The following COMMD1 variants were observed in gnomAD, a reference collection of about 807,000 sequenced individuals.
The protein encoded by COMMD1 is COMM domain-containing protein 1.
Under a neutral mutation model 17.2 loss-of-function variants are expected in COMMD1, and 10 were observed. The ratio of observed to expected loss-of-function variants is 0.58; its 90% CI spans 0.36 to 0.99. The LOEUF (loss-of-function observed/expected upper bound fraction) is 0.99, where lower values mean the gene tolerates loss of function less well. COMMD1 is among the 50% of genes least tolerant of loss of function. The probability of loss-of-function intolerance (pLI) is 0.01; values close to 1 mark genes in which losing one functional copy is unlikely to be tolerated. For missense variants in COMMD1, 270 were observed against 231.8 expected (o/e 1.17, Z -1.07); for synonymous variants, 97 against 91.6 (o/e 1.06, Z -0.34).
chr2:61,972,540 C>T (rs1671678159), intron 1 of COMMD1, among the ~76,000 whole-genome samples: 1 of 152,152 alleles, frequency 6.6e-6, no homozygotes, highest in South Asian at 2.1e-4. Flanking sequence ...ACTACCTCAG[C>T]CAGGTGATCA....
chr2:61,967,517 C>T (rs1032864654), intron 1 of COMMD1, among the ~76,000 whole-genome samples: 4 of 152,080 alleles, frequency 2.6e-5, no homozygotes, highest in African/African-American at 9.7e-5. Flanking sequence ...TTTACATAAC[C>T]AGATTGAAAG....
At chr2:61,889,708 G>A (rs1236107229) in intron 1 of COMMD1, among the ~76,000 whole-genome samples, 2 of 152,152 alleles carry the variant, frequency 1.3e-5, no homozygotes, top group African/African-American at 4.8e-5. Context: ...CGTATTGGTT[G>A]ATACTGGGTG....
chr2:62,116,446 C>T (rs919283816), intron 2 of COMMD1, among the ~76,000 whole-genome samples: 2 of 151,956 alleles, frequency 1.3e-5, no homozygotes, highest in Non-Finnish European at 2.9e-5. Flanking sequence ...CCGAGGCAGG[C>T]GGATCACCTG....
In COMMD1 at chr2:62,049,291, G is replaced by A. The variant is rs543478046; in HGVS notation, c.462+48309G>A. Reference sequence around the variant, plus strand: ...TGTATAATTTTAAAAACTCAGCTATGCTCTTAGATGTCTCTTTTTGGGAAA... The same window carrying A: ...TGTATAATTTTAAAAACTCAGCTATACTCTTAGATGTCTCTTTTTGGGAAA... On this transcript the variant is annotated intron_variant, in intron 2 of 2. Coordinates refer to ENST00000311832, the MANE Select transcript of COMMD1 (RefSeq NM_152516.4). Among the ~76,000 whole-genome samples, 109 of 152,032 alleles carry A rather than the reference G, an allele frequency of 7.2e-4. 2 individuals are homozygous for A. The highest frequency in any genetic ancestry group is 2.6e-3 in the African/African-American group (108 of 41,446).
chr2:61,955,760 A>G (rs1437409220), intron 1 of COMMD1, among the ~76,000 whole-genome samples: 1 of 152,108 alleles, frequency 6.6e-6, no homozygotes, highest in Non-Finnish European at 1.5e-5. Context: ...ACCTCGGCTC[A>G]CTGCAACCTC....
In COMMD1 at chr2:62,021,368, C is replaced by CT. The variant is rs369325889; in HGVS notation, c.462+20387dup. On this transcript the variant is annotated intron_variant, in intron 2 of 2. Transcript: ENST00000311832. The stretch of plus-strand genomic sequence containing the variant: ...GTGTAGACTTGGCAAAATGAGAGGT[C>CT]TGGGAGTCTTCAGCATTTGTTCAGT... Among the ~76,000 whole-genome samples, 1,046 of 152,124 alleles carry CT rather than the reference C, an allele frequency of 6.9e-3. 11 individuals are homozygous for CT. The highest frequency in any genetic ancestry group is 0.024 in the African/African-American group (983 of 41,496).
chr2:62,023,683 C>G (rs1669675584), intron 2 of COMMD1, among the ~76,000 whole-genome samples: 1 of 152,150 alleles, frequency 6.6e-6, no homozygotes, highest in Admixed American at 6.6e-5. Flanking sequence ...CGGGGTTTCA[C>G]CATGTTGGCC....
chr2:62,104,599 A>G (rs1209219876), intron 2 of COMMD1, among the ~76,000 whole-genome samples: 2 of 141,294 alleles, frequency 1.4e-5, no homozygotes, highest in Non-Finnish European at 3.0e-5. Context: ...GCGCCACTGT[A>G]CTCCAGCCTG....
At chr2:62,077,528 C>A (rs1397187978) in intron 2 of COMMD1, among the ~76,000 whole-genome samples, 1 of 152,172 alleles carries the variant, frequency 6.6e-6, no homozygotes, top group Non-Finnish European at 1.5e-5. Context: ...TAGCCTCCCA[C>A]ACATCCCTAT....
intron 2 of COMMD1, among the ~76,000 whole-genome samples, chr2:62,049,823 A>G (rs1460476647): frequency 4.6e-5 from 7 of 152,174 alleles, no homozygotes; most frequent in Admixed American, 3.9e-4. Context: ...TGATTAATGT[A>G]GTAGGGGATA....
intron 2 of COMMD1, among the ~76,000 whole-genome samples, chr2:62,059,324 T>TA (rs202064244): frequency 0.082 from 12,341 of 151,232 alleles, 1,235 homozygotes; most frequent in African/African-American, 0.24. Context: ...CTGGCTAATT[T>TA]AAAAAAAAAT....
chr2:61,975,318 T>TA (rs1477997706), intron 1 of COMMD1, among the ~76,000 whole-genome samples: 5 of 152,164 alleles, frequency 3.3e-5, no homozygotes, highest in Non-Finnish European at 2.9e-5. Flanking sequence ...AAAACTGCTA[T>TA]AAAAAACCAC....
chr2:61,997,920 GA>G (rs1668810256), intron 1 of COMMD1, among the ~76,000 whole-genome samples: 2 of 152,202 alleles, frequency 1.3e-5, no homozygotes, highest in Non-Finnish European at 2.9e-5. Flanking sequence ...CATCTATATT[GA>G]AAACCTTTTG....
chr2:62,022,448 C>CTTT lies in COMMD1; in HGVS notation c.462+21486_462+21488dup, dbSNP rs747830662. Among the ~76,000 whole-genome samples the CTTT allele has an allele frequency of 4.9e-3, 415 of 84,148 alleles. 2 individuals carry two copies. The highest frequency in any genetic ancestry group is 7.9e-3 in the Middle Eastern group (1 of 126). The allele number at this position is 84,148 out of a possible 152,430, so 55.2% of individuals were successfully genotyped here. A position where few individuals can be genotyped will look rare whatever the true frequency, so the allele number is the denominator to read the frequency against. On this transcript the variant is annotated intron_variant, in intron 2 of 2. Coordinates refer to ENST00000311832, the MANE Select transcript of COMMD1 (RefSeq NM_152516.4). ...CTTCTAATATTATTTACCGGCGCTT[C>CTTT]TTTTTTTTTTTTTTTTTTTTTTACA...
At chr2:62,109,917 A>ATC (rs1274321698) in intron 2 of COMMD1, among the ~76,000 whole-genome samples, 22 of 115,374 alleles carry the variant, frequency 1.9e-4, no homozygotes, top group Admixed American at 1.8e-4. Flanking sequence ...CCTTATCTTG[A>ATC]TCTTTTTTTT....
At position 61,995,449 on chromosome 2, in the gene COMMD1, T is replaced by TA. The variant is rs544770647; in HGVS notation, c.181-5251dup. Among the ~76,000 whole-genome samples, 18 of 152,380 alleles carry TA rather than the reference T, an allele frequency of 1.2e-4. No homozygotes were observed. In the East Asian group the frequency reaches 3.5e-3, roughly 29 times the overall value. On this transcript the variant is annotated intron_variant, in intron 1 of 2. Transcript: ENST00000311832. ...TGGCCTTCTAAGTTCTGAGAACACT[T>TA]ACATATTCCTCACTCAGTCATCTAA...
chr2:62,050,045 T>C (rs1016940357), intron 2 of COMMD1, among the ~76,000 whole-genome samples: 5 of 152,118 alleles, frequency 3.3e-5, no homozygotes, highest in African/African-American at 1.2e-4. Context: ...TCTGGATGAA[T>C]CTCTATAACA....
intron 2 of COMMD1, among the ~76,000 whole-genome samples, chr2:62,056,984 G>T (rs577610919): frequency 6.6e-6 from 1 of 152,136 alleles, no homozygotes; most frequent in Non-Finnish European, 1.5e-5. Context: ...GTGAAGCAGC[G>T]TTTTCTGCAG....
At chr2:61,916,030 G>T (rs1204408478) in intron 1 of COMMD1, among the ~76,000 whole-genome samples, 1 of 151,984 alleles carries the variant, frequency 6.6e-6, no homozygotes, top group Non-Finnish European at 1.5e-5. Context: ...GAGTGCAGTG[G>T]TGTGCACATG....
Sources: gnomAD v4.1 joint callset for allele counts (sites outside exome capture counted in the v4.1 genomes callset) on GRCh38, gnomAD v4.1.1 for gene constraint, MANE v1.5 for transcripts, NCBI Gene and HGNC (gene_info 2026-07-23, HGNC 2026-07-21) for gene names.